Variants in TMPRSS6 observed in about 807,000 individuals in gnomAD.
The protein encoded by TMPRSS6 is transmembrane protease serine 6.
Under a neutral mutation model 101.5 loss-of-function variants are expected in TMPRSS6, and 67 were observed. The observed-to-expected ratio is 0.66, with a 90% CI of 0.54 to 0.81. The LOEUF (loss-of-function observed/expected upper bound fraction) is 0.81, where lower values mean the gene tolerates loss of function less well. Ranked by LOEUF, TMPRSS6 falls within the 30% of genes least tolerant of loss-of-function variation. The probability of loss-of-function intolerance (pLI) is 0.00; values close to 1 mark genes in which losing one functional copy is unlikely to be tolerated. For synonymous variants in TMPRSS6, 453 were observed against 464.9 expected (o/e 0.97, Z 0.33); for missense variants, 1,034 against 1,088.7 (o/e 0.95, Z 0.71).
rs370239353 is a variant in TMPRSS6 at position 37,095,830 on chromosome 22, C to T, written c.589+76G>A. ...ACAGCACCCCAGGCCTGGCAGGCAGCCTCCCCGGGCCACACCACAGCTTGT... is the reference window on the plus strand; with the variant it reads ...ACAGCACCCCAGGCCTGGCAGGCAGTCTCCCCGGGCCACACCACAGCTTGT... On this transcript the variant is annotated intron_variant, in intron 5 of 17. Coordinates refer to ENST00000676104, the MANE Select transcript of TMPRSS6 (RefSeq NM_001374504.1). The T allele has an allele frequency of 2.0e-5, 32 of 1,579,486 alleles. No individual in the cohort carries two copies. In the African/African-American group the frequency reaches 3.8e-4, roughly 19 times the overall value.
chr22:37,082,832 C>T, intron 10 of TMPRSS6: 1 of 393,576 alleles, frequency 2.5e-6, no homozygotes, highest in Non-Finnish European at 5.0e-6. Flanking sequence ...ACAGCATAGC[C>T]CTAGATCATG....
In TMPRSS6 at chr22:37,066,010, C is replaced by G; in HGVS notation, c.*70G>C. 6.2e-7 allele frequency: 1 copy of G among 1,603,870 alleles called. No homozygotes were observed. Among genetic ancestry groups the G allele is most frequent in the Non-Finnish European group, 8.5e-7 (1 of 1,172,972 alleles). On this transcript the variant is annotated 3_prime_UTR_variant, in exon 18 of 18. Coordinates refer to ENST00000676104, the MANE Select transcript of TMPRSS6 (RefSeq NM_001374504.1). Reference sequence around the variant, plus strand: ...CCACCCCCCGCCAGAATACTTGTCCCCCTGCTTGGCAGTTGCCCTGGGCTC... The same window carrying G: ...CCACCCCCCGCCAGAATACTTGTCCGCCTGCTTGGCAGTTGCCCTGGGCTC...
intron 7 of TMPRSS6, among the ~76,000 whole-genome samples, chr22:37,088,715 C>A (rs183019119): frequency 6.6e-6 from 1 of 152,292 alleles, no homozygotes; most frequent in Non-Finnish European, 1.5e-5. Flanking sequence ...CCCCACTTAC[C>A]AAATATCAAA....
chr22:37,082,219 C>T (rs562090741), intron 10 of TMPRSS6, among the ~76,000 whole-genome samples: 48 of 152,272 alleles, frequency 3.2e-4, no homozygotes, highest in African/African-American at 9.4e-4. Context: ...GAAACAGGAA[C>T]GGCGCCAATG....
chr22:37,071,352 G>A (rs5756506), intron 13 of TMPRSS6, among the ~76,000 whole-genome samples: 5 of 151,938 alleles, frequency 3.3e-5, no homozygotes, highest in Admixed American at 2.6e-4. Flanking sequence ...ACCAGGGTCC[G>A]CACCTAGCCT....
In TMPRSS6 at chr22:37,101,200, G is replaced by A. The variant is rs1930285330; in HGVS notation, c.202+2016C>T. Among the ~76,000 whole-genome samples, 1 of 152,168 alleles carries A rather than the reference G, an allele frequency of 6.6e-6. No individual in the cohort carries two copies. Among genetic ancestry groups the A allele is most frequent in the Non-Finnish European group, 1.5e-5 (1 of 68,030 alleles). ...CAGAGGGGGCGGGATCGGGGTCCCA[G>A]GAGGAGTGCACGTGATGCAGCTGGG... On this transcript the variant is annotated intron_variant, in intron 2 of 17. Coordinates refer to ENST00000676104, the MANE Select transcript of TMPRSS6 (RefSeq NM_001374504.1). This position sits in a 1 kb window ranked among gnomAD's most constrained non-coding sequence, Gnocchi z 4.1.
At chr22:37,086,110 G>A (rs111859058) in intron 8 of TMPRSS6, among the ~76,000 whole-genome samples, 173 bp downstream of exon 8, 111 of 149,088 alleles carry the variant, frequency 7.4e-4, no homozygotes, top group African/African-American at 2.5e-3. Context: ...TGCAAACGAC[G>A]GAAGGAAGAG....
At chr22:37,073,773 A>G in intron 12 of TMPRSS6, 128 bp from the exon 13 acceptor site, 1 of 735,344 alleles carries the variant, frequency 1.4e-6, no homozygotes, top group Non-Finnish European at 2.5e-6. Context: ...CTGCTACTTT[A>G]TTTTTATGTC....
intron 5 of TMPRSS6, 26 bp from the exon 6 acceptor site, chr22:37,095,618 AT>A (rs749136914): frequency 1.3e-6 from 2 of 1,569,830 alleles, no homozygotes; most frequent in Middle Eastern, 1.7e-4. Flanking sequence ...GAACAAACAA[AT>A]AAACAAGAAC....
At chr22:37,085,532 C>CA (rs1333058427) in intron 8 of TMPRSS6, among the ~76,000 whole-genome samples, 3 of 152,202 alleles carry the variant, frequency 2.0e-5, no homozygotes, top group African/African-American at 7.2e-5. Context: ...CAGCTGCCAA[C>CA]ACTCTATGGC....
In TMPRSS6 at chr22:37,069,999, TG is replaced by T. The variant is rs1926736223; in HGVS notation, c.1841+484del. Among the ~76,000 whole-genome samples the T allele has an allele frequency of 1.3e-5, 2 of 151,772 alleles. No individual in the cohort carries two copies. Among genetic ancestry groups the T allele is most frequent in the South Asian group, 4.2e-4 (2 of 4,806 alleles). On this transcript the variant is annotated intron_variant, in intron 15 of 17. Coordinates refer to ENST00000676104, the MANE Select transcript of TMPRSS6 (RefSeq NM_001374504.1). The surrounding 1 kb of genome is among the most constrained non-coding windows in gnomAD (Gnocchi z 4.8). ...GCGGGATCTGGAGCCCAGATCTGTC[TG>T]GGGGTGGATTGGGGGAGGTTTCAGC... is the stretch of plus-strand genomic sequence containing the variant.
rs770460448 is a variant in TMPRSS6, at chr22:37,103,572, C to G, written c.-1-154G>C. On this transcript the variant is annotated intron_variant, in intron 1 of 17. Coordinates refer to ENST00000676104, the MANE Select transcript of TMPRSS6 (RefSeq NM_001374504.1). This position sits in a 1 kb window ranked among gnomAD's most constrained non-coding sequence, Gnocchi z 4.4. The stretch of plus-strand genomic sequence containing the variant: ...CAGTGACTGCAAGTGGGTGCCGAGA[C>G]AGCTCACAGAGGAGGGAAGTGCATC... 1.4e-5 allele frequency: 22 copies of G among 1,613,482 alleles called. No individual in the cohort carries two copies. Among genetic ancestry groups the G allele is most frequent in the Non-Finnish European group, 1.8e-5 (21 of 1,180,016 alleles).
chr22:37,079,812 A>G (rs1264214818), intron 10 of TMPRSS6, among the ~76,000 whole-genome samples: 1 of 152,286 alleles, frequency 6.6e-6, no homozygotes, highest in African/African-American at 2.4e-5. Flanking sequence ...TGGAGGAAGC[A>G]GCTTGCACTC....
rs1393132690 is a variant in TMPRSS6, at chr22:37,103,300, C to T, written c.118G>A (p.Gly40Ser). ...ACEDSKRKARGYLRLVPLFVL... is the reference protein window; with the variant it reads ...ACEDSKRKARSYLRLVPLFVL... ...AACAGGGGCACCAGGCGGAGGTAGC[C>T]CCGGGCTTTTCTCTTGGAGTCCTCA... is the stretch of plus-strand genomic sequence containing the variant. The change falls in exon 2 of 18, where the codon GGC becomes AGC. Residue 40 changes from glycine to serine, a missense_variant. Gly to Ser is a moderately conservative substitution (Grantham distance 56). Coordinates refer to ENST00000676104, the MANE Select transcript of TMPRSS6 (RefSeq NM_001374504.1). The surrounding 1 kb of genome is among the most constrained non-coding windows in gnomAD (Gnocchi z 4.4). 1.9e-6 allele frequency: 3 copies of T among 1,614,224 alleles called. No individual in the cohort carries two copies. The South Asian group carries it at 3.3e-5, about 18-fold the overall frequency.
intron 3 of TMPRSS6, among the ~76,000 whole-genome samples, chr22:37,097,755 GCCACT>G (rs1402411206): frequency 0.014 from 1,661 of 116,168 alleles, 169 homozygotes; most frequent in African/African-American, 0.056. Context: ...GGCAGGAGCG[GCCACT>G]GTCCTGTAAC....
intron 1 of TMPRSS6, among the ~76,000 whole-genome samples, chr22:37,108,949 GAC>G (rs1930889627): frequency 6.6e-6 from 1 of 152,152 alleles, no homozygotes; most frequent in South Asian, 2.1e-4. Flanking sequence ...CACAGATGGA[GAC>G]ACGCGGAGGG....
At chr22:37,067,894 A>ATTCCGGTTGCTCCT (rs1404222196) in intron 16 of TMPRSS6, among the ~76,000 whole-genome samples, 1 of 55,692 alleles carries the variant, frequency 1.8e-5, no homozygotes, top group Non-Finnish European at 3.4e-5. Flanking sequence ...TCGCCCAGGC[A>ATTCCGGTTGCTCCT]CGCCTGCCCC....
intron 4 of TMPRSS6, 78 bp from the exon 5 acceptor site, chr22:37,096,168 C>G: frequency 2.0e-6 from 3 of 1,522,368 alleles, no homozygotes; most frequent in South Asian, 1.1e-5. Flanking sequence ...TCATGCACAT[C>G]GAGCACTTTC....
intron 6 of TMPRSS6, among the ~76,000 whole-genome samples, chr22:37,091,020 C>T (rs2146130680): frequency 6.6e-6 from 1 of 152,124 alleles, no homozygotes; most frequent in Admixed American, 6.5e-5. Context: ...CAGTGAGTCT[C>T]TGCTCTTCCA....
Sources: gnomAD v4.1 joint callset for allele counts (sites outside exome capture counted in the v4.1 genomes callset) on GRCh38, gnomAD v4.1.1 for gene constraint, Gnocchi (gnomAD v3.1) non-coding constraint, MANE v1.5 for transcripts, NCBI Gene and HGNC (gene_info 2026-07-23, HGNC 2026-07-21) for gene names.